STRA6: variants seen among roughly 807,000 people sequenced by gnomAD.
STRA6 encodes the protein receptor for retinol uptake STRA6.
STRA6 carries 48 observed loss-of-function variants against 83.6 expected under a neutral mutation model. The ratio of observed to expected loss-of-function variants is 0.57; its 90% CI spans 0.46 to 0.73. The LOEUF is 0.73. Among genes scored for constraint, STRA6 ranks in the 30% least tolerant of loss-of-function variants. STRA6 has a pLI of 0.00. For missense variants in STRA6, 760 were observed against 838.8 expected (o/e 0.91, Z 1.16); for synonymous variants, 353 against 362.3 (o/e 0.97, Z 0.29).
chr15:74,183,617 G>A, intron 14 of STRA6: 1 of 1,379,466 alleles, frequency 7.2e-7, no homozygotes, highest in Non-Finnish European at 9.4e-7. Flanking sequence ...TGGCACCCAG[G>A]GTTCATCTCC....
In STRA6 at chr15:74,183,927, G is replaced by A. The variant is rs769759658; in HGVS notation, c.1229C>T (p.Pro410Leu). The A allele has an allele frequency of 1.2e-6, 2 of 1,613,924 alleles. No homozygotes were observed. Among genetic ancestry groups the A allele is most frequent in the South Asian group, 2.2e-5 (2 of 91,084 alleles). Reference sequence around the variant, plus strand: ...GAATATGGCTTGGCGGGAGGGATGGGGACTCCGATGCAAGGGACTCAAGTC... The same window carrying A: ...GAATATGGCTTGGCGGGAGGGATGGAGACTCCGATGCAAGGGACTCAAGTC... ...ALDLSPLHRSPHPSRQAIFCW... is the reference protein window; with the variant it reads ...ALDLSPLHRSLHPSRQAIFCW... The change falls in exon 14 of 19, where the codon CCC (proline) becomes CTC (leucine). Residue 410 changes from proline (P) to leucine (L), a missense_variant. Pro to Leu is a moderately conservative substitution (Grantham distance 98). Coordinates refer to ENST00000395105, the MANE Select transcript of STRA6 (RefSeq NM_022369.4).
chr15:74,184,948 C>G (rs200096725), intron 13 of STRA6, 32 bp downstream of exon 13: 9 of 1,608,212 alleles, frequency 5.6e-6, no homozygotes, highest in South Asian at 1.1e-5. Flanking sequence ...TTCCCCACCT[C>G]GGCGCTGGGT....
At chr15:74,200,096 T>C (rs1370763516) in intron 2 of STRA6, among the ~76,000 whole-genome samples, 1 of 152,200 alleles carries the variant, frequency 6.6e-6, no homozygotes, top group Non-Finnish European at 1.5e-5. Context: ...GGCACGCACC[T>C]GTAATCCCAG....
Position 74,181,415 on chromosome 15 carries a change from C to A in STRA6, c.1564G>T (p.Val522Leu), listed in dbSNP as rs1223977079. 1 of 1,613,302 alleles carries A rather than the reference C, an allele frequency of 6.2e-7. No individual in the cohort carries two copies. The highest frequency in any genetic ancestry group is 2.2e-5 in the East Asian group (1 of 44,854). ...AATFLLFPLN[V>L]LVGAMVATWR... ...GTGGCCACCATGGCACCCACCAGCACATTGAGGGGGAAGAGAAGAAAGGTG... is the reference window on the plus strand; with the variant it reads ...GTGGCCACCATGGCACCCACCAGCAAATTGAGGGGGAAGAGAAGAAAGGTG... The change falls in exon 17 of 19, where the codon GTG becomes TTG. Residue 522 changes from valine (V) to leucine (L), a missense_variant. Coordinates refer to ENST00000395105, the MANE Select transcript of STRA6 (RefSeq NM_022369.4).
At chr15:74,196,507 G>T (rs1046024483) in intron 4 of STRA6, among the ~76,000 whole-genome samples, 4 of 152,180 alleles carry the variant, frequency 2.6e-5, no homozygotes, top group African/African-American at 9.7e-5. Context: ...AACAGCCGCC[G>T]CCCTGGGCTG....
intron 12 of STRA6, 38 bp downstream of exon 12, chr15:74,189,077 C>A (rs1461299243): frequency 2.5e-6 from 4 of 1,612,346 alleles, no homozygotes; most frequent in Non-Finnish European, 3.4e-6. Context: ...CGCTTTCATT[C>A]CCCACTGCAG....
intron 1 of STRA6, among the ~76,000 whole-genome samples, chr15:74,208,353 C>A (rs543535203): frequency 6.6e-6 from 1 of 152,164 alleles, no homozygotes; most frequent in African/African-American, 2.4e-5. Context: ...AAGAGCCCCA[C>A]GTTCTCCGTT....
At chr15:74,208,371 C>T (rs1436953883) in intron 1 of STRA6, among the ~76,000 whole-genome samples, 1 of 152,166 alleles carries the variant, frequency 6.6e-6, no homozygotes, top group African/African-American at 2.4e-5. Context: ...GTTCCCAGCA[C>T]GTTCCTCCCT....
chr15:74,183,646 C>T, intron 14 of STRA6: 1 of 1,456,260 alleles, frequency 6.9e-7, no homozygotes, highest in Non-Finnish European at 9.0e-7. Context: ...GGTACACACT[C>T]AATTTCCCGA....
chr15:74,194,923 C>T (rs1051389383), intron 7 of STRA6: 8 of 1,424,136 alleles, frequency 5.6e-6, no homozygotes, highest in South Asian at 4.7e-5. Context: ...TCCCTGACTT[C>T]GCACTTGCCG....
Position 74,193,892 on chromosome 15 carries a change from G to C in STRA6, c.628C>G (p.Leu210Val). Residue 210 changes from leucine to valine, a missense_variant, in exon 8 of 19, where the codon CTG becomes GTG. Leu to Val is a conservative substitution (Grantham distance 32, BLOSUM62 1). Transcript: ENST00000395105. Reference protein sequence around the residue: ...IYKYYSLLASLPLLLGLGFLS... With the variant: ...IYKYYSLLASVPLLLGLGFLS... ...AATCCGAGGCCCAGCAGGAGAGGCA[G>C]GGAGGCCAGCAGGGAGTAGTACTTG... 3.7e-6 allele frequency: 6 copies of C among 1,613,834 alleles called. No individual in the cohort carries two copies. Among genetic ancestry groups the C allele is most frequent in the Non-Finnish European group, 5.1e-6 (6 of 1,179,786 alleles).
In STRA6 at chr15:74,189,014, C is replaced by T. The variant is rs1164818011; in HGVS notation, c.1090+101G>A. 8.4e-6 allele frequency: 12 copies of T among 1,427,472 alleles called. No homozygotes were observed. The African/African-American group carries it at 1.1e-4, about 13-fold the overall frequency. 88.4% of individuals were successfully genotyped at this position (1,427,472 alleles called of 1,614,324 possible). On this transcript the variant is annotated intron_variant, in intron 12 of 18. Transcript: ENST00000395105. ...ACCCAGAGAGAGGAAGGAATGTGTCCAAGGGCCCCCAGTGTGTCCATGGCT... is the reference window on the plus strand; with the variant it reads ...ACCCAGAGAGAGGAAGGAATGTGTCTAAGGGCCCCCAGTGTGTCCATGGCT...
upstream of STRA6, among the ~76,000 whole-genome samples, chr15:74,211,230 C>T (rs376618925): frequency 2.4e-4 from 37 of 151,794 alleles, 1 homozygote; most frequent in Admixed American, 1.1e-3. Flanking sequence ...GCTTGGACTC[C>T]GTTTCATTCT....
intron 12 of STRA6, 140 bp from the exon 13 acceptor site, chr15:74,185,195 C>T: frequency 2.5e-6 from 2 of 796,654 alleles, no homozygotes; most frequent in South Asian, 1.5e-5. Context: ...CTCTTGGCCC[C>T]ACCCCCAGGT....
upstream of STRA6, among the ~76,000 whole-genome samples, chr15:74,204,307 C>T (rs1270110388): frequency 6.6e-6 from 1 of 152,230 alleles, no homozygotes. Flanking sequence ...TGATGCTCAG[C>T]GCCTGGCCCT....
upstream of STRA6, chr15:74,203,246 A>G: frequency 1.0e-6 from 1 of 980,432 alleles, no homozygotes; most frequent in Non-Finnish European, 1.2e-6. Context: ...CAAGGAGATA[A>G]CTCACCCCCA....
intron 9 of STRA6, 28 bp from the exon 10 acceptor site, chr15:74,191,271 G>A (rs745742241): frequency 1.9e-6 from 3 of 1,612,566 alleles, no homozygotes; most frequent in African/African-American, 1.3e-5. Flanking sequence ...CAGGTGCGGG[G>A]TCCTCAGGGG....
upstream of STRA6, among the ~76,000 whole-genome samples, chr15:74,206,850 C>A (rs2074271956): frequency 6.6e-6 from 1 of 152,222 alleles, no homozygotes; most frequent in African/African-American, 2.4e-5. Flanking sequence ...CCAGCATGAA[C>A]CCACGTGGGC....
At chr15:74,181,247 C>T in intron 17 of STRA6, 48 bp downstream of exon 17, 2 of 1,607,774 alleles carry the variant, frequency 1.2e-6, no homozygotes, top group East Asian at 2.2e-5. Flanking sequence ...GCCTTCCTCA[C>T]TGCTTGGGTA....
Sources: gnomAD v4.1 joint callset for allele counts (sites outside exome capture counted in the v4.1 genomes callset) on GRCh38, gnomAD v4.1.1 for gene constraint, MANE v1.5 for transcripts, NCBI Gene and HGNC (gene_info 2026-07-23, HGNC 2026-07-21) for gene names.